Variants in DECR1 observed in about 807,000 individuals in gnomAD.
The protein encoded by DECR1 is 2,4-dienoyl-CoA reductase [(3E)-enoyl-CoA-producing], mitochondrial.
A neutral mutation model predicts 38.8 loss-of-function variants in DECR1; 44 were observed. The observed-to-expected ratio is 1.13, with a 90% CI of 0.89 to 1.46. The LOEUF (loss-of-function observed/expected upper bound fraction) is 1.46, where lower values mean the gene tolerates loss of function less well. Among genes scored for constraint, DECR1 ranks in the 40% most tolerant of loss-of-function variants. The pLI is 0.00. For synonymous variants in DECR1, 148 were observed against 135.2 expected (o/e 1.09, Z -0.66); for missense variants, 428 against 405.5 (o/e 1.06, Z -0.48).
chr8:90,009,281 C>G (rs1045430312), intron 1 of DECR1, among the ~76,000 whole-genome samples: 2 of 152,300 alleles, frequency 1.3e-5, no homozygotes, highest in African/African-American at 4.8e-5. Flanking sequence ...GCCTAAAACC[C>G]TGTGATTCAT....
chr8:90,039,661 C>T (rs1813700500), intron 6 of DECR1, among the ~76,000 whole-genome samples: 1 of 152,194 alleles, frequency 6.6e-6, no homozygotes, highest in African/African-American at 2.4e-5. Flanking sequence ...TCCTTCTTCA[C>T]CCATCAGCTC....
chr8:90,026,986 A>G (rs1023436119), intron 5 of DECR1, among the ~76,000 whole-genome samples: 1 of 152,238 alleles, frequency 6.6e-6, no homozygotes, highest in Non-Finnish European at 1.5e-5. Context: ...TGTACCCAGT[A>G]GTCATTCAGG....
intron 1 of DECR1, 57 bp downstream of exon 1, chr8:90,001,618 G>T: frequency 6.5e-7 from 1 of 1,533,620 alleles, no homozygotes; most frequent in South Asian, 1.1e-5. Flanking sequence ...CGCAAAGAGA[G>T]AGGACAGGGC....
At chr8:90,045,899 A>G (rs7006767) in intron 8 of DECR1, among the ~76,000 whole-genome samples, 17,342 of 152,228 alleles carry the variant, frequency 0.11, 1,297 homozygotes, top group East Asian at 0.25. Context: ...TGCAGCCTCC[A>G]CTGGTGATAC....
chr8:90,025,397 T>C (rs1315693497), intron 5 of DECR1, among the ~76,000 whole-genome samples: 4 of 152,120 alleles, frequency 2.6e-5, no homozygotes, highest in East Asian at 1.9e-4. Flanking sequence ...TTTTATTTCA[T>C]TGAGCAGTGG....
intron 5 of DECR1, among the ~76,000 whole-genome samples, chr8:90,027,411 T>C (rs1434782555): frequency 5.3e-5 from 8 of 152,196 alleles, no homozygotes; most frequent in Non-Finnish European, 1.0e-4. Context: ...TGCTCCTGTA[T>C]TGGGTGCATA....
chr8:90,016,047 G>A (rs1284471327), intron 1 of DECR1, among the ~76,000 whole-genome samples: 4 of 152,122 alleles, frequency 2.6e-5, no homozygotes, highest in Admixed American at 1.3e-4. Flanking sequence ...GATTAAATGC[G>A]AGAGAATGGC....
chr8:90,001,578 C>A lies in DECR1; in HGVS notation c.69+17C>A. 1.2e-6 allele frequency: 2 copies of A among 1,609,006 alleles called. No homozygotes were observed. Among genetic ancestry groups the A allele is most frequent in the South Asian group, 1.1e-5 (1 of 90,872 alleles). ...CCTCGGAGGGTAAGGCGGCCGGGGG[C>A]GCGGGGAGCGAGGACAGGGCGTCTC... On this transcript the variant is annotated intron_variant, in intron 1 of 9. Coordinates refer to ENST00000220764, the MANE Select transcript of DECR1 (RefSeq NM_001359.2).
Position 90,017,320 on chromosome 8 carries a change from C to A in DECR1, c.266C>A (p.Ala89Asp). 1 of 1,613,516 alleles carries A rather than the reference C, an allele frequency of 6.2e-7. No individual in the cohort carries two copies. The highest frequency in any genetic ancestry group is 8.5e-7 in the Non-Finnish European group (1 of 1,179,742). ...LSSLGAQCVI[A>D]SRKMDVLKAT... Reference sequence around the variant, plus strand: ...AGCCTAGGTGCTCAGTGCGTGATAGCCAGCCGGTAAGTCCCTTACATCAAG... The same window carrying A: ...AGCCTAGGTGCTCAGTGCGTGATAGACAGCCGGTAAGTCCCTTACATCAAG... The change falls in exon 2 of 10, where the codon GCC becomes GAC. Residue 89 changes from alanine (A) to aspartate (D), a missense_variant. Transcript: ENST00000220764.
intron 1 of DECR1, among the ~76,000 whole-genome samples, chr8:90,007,569 A>G (rs1812776941): frequency 6.6e-6 from 1 of 152,126 alleles, no homozygotes; most frequent in African/African-American, 2.4e-5. Flanking sequence ...GGTGGGGTTA[A>G]TGGATGAATC....
intron 5 of DECR1, among the ~76,000 whole-genome samples, chr8:90,027,926 T>C (rs1220311380): frequency 6.6e-6 from 1 of 152,146 alleles, no homozygotes; most frequent in Non-Finnish European, 1.5e-5. Context: ...GGCTGAATCT[T>C]CCTTCATTTT....
At chr8:90,001,906 G>A (rs961127113) in intron 1 of DECR1, among the ~76,000 whole-genome samples, 35 of 151,534 alleles carry the variant, frequency 2.3e-4, no homozygotes, top group Non-Finnish European at 4.6e-4. Flanking sequence ...GGAAGTCTTG[G>A]GGCACAAAGA....
At chr8:90,005,482 C>T in intron 1 of DECR1, 1 of 455,618 alleles carries the variant, frequency 2.2e-6, no homozygotes. Context: ...GCCAAAGTAT[C>T]ACTTTTATTG....
At chr8:90,050,029 A>G (rs181918928) in intron 8 of DECR1, among the ~76,000 whole-genome samples, 17 of 152,342 alleles carry the variant, frequency 1.1e-4, no homozygotes, top group African/African-American at 3.8e-4. Context: ...AATTAATTCA[A>G]GATGGATTAA....
At chr8:90,043,622 G>A (rs112503567) in intron 7 of DECR1, among the ~76,000 whole-genome samples, 4 of 123,004 alleles carry the variant, frequency 3.3e-5, no homozygotes, top group African/African-American at 1.3e-4. Flanking sequence ...TGGGTTATAG[G>A]TAGCTCTGGG....
intron 5 of DECR1, among the ~76,000 whole-genome samples, chr8:90,025,396 A>C (rs186782016): frequency 3.9e-5 from 6 of 151,956 alleles, no homozygotes; most frequent in South Asian, 2.1e-4. Context: ...CTTTTATTTC[A>C]TTGAGCAGTG....
intron 1 of DECR1, among the ~76,000 whole-genome samples, chr8:90,010,381 C>T (rs1812851429): frequency 6.6e-6 from 1 of 152,196 alleles, no homozygotes; most frequent in Admixed American, 6.5e-5. Context: ...CAAACTATCC[C>T]TTGTATTACC....
chr8:90,010,797 T>A (rs1812865388), intron 1 of DECR1, among the ~76,000 whole-genome samples: 1 of 152,220 alleles, frequency 6.6e-6, no homozygotes, highest in Non-Finnish European at 1.5e-5. Flanking sequence ...CTTTAGTGTT[T>A]AATATAGAGT....
rs111715161 is a variant in DECR1 at position 90,027,149 on chromosome 8, G to A, written c.565+6093G>A. Among the ~76,000 whole-genome samples the A allele has an allele frequency of 7.4e-3, 1,134 of 152,284 alleles. 14 individuals carry two copies. Among genetic ancestry groups the A allele is most frequent in the African/African-American group, 0.026 (1,070 of 41,564 alleles). On this transcript the variant is annotated intron_variant, in intron 5 of 9. Transcript: ENST00000220764. ...GGAGTGCTTTACTTCCAACTATGTG[G>A]TCAAGTTTGGAATAAGTGAGATGTG... is the stretch of plus-strand genomic sequence containing the variant.
Sources: gnomAD v4.1 joint callset for allele counts (sites outside exome capture counted in the v4.1 genomes callset) on GRCh38, gnomAD v4.1.1 for gene constraint, MANE v1.5 for transcripts, NCBI Gene and HGNC (gene_info 2026-07-23, HGNC 2026-07-21) for gene names.